TBC1D31: variants seen among roughly 807,000 people sequenced by gnomAD.
The protein encoded by TBC1D31 is WD repeat domain 67.
A neutral mutation model predicts 132.9 loss-of-function variants in TBC1D31; 99 were observed. That is an observed-to-expected ratio of 0.74 (90% CI 0.63 to 0.88). The LOEUF is 0.88. Ranked by LOEUF, TBC1D31 falls within the 40% of genes least tolerant of loss-of-function variation. TBC1D31 has a pLI of 0.00. For missense variants in TBC1D31, 1,134 were observed against 1,256.6 expected (o/e 0.90, Z 1.48); for synonymous variants, 385 against 419.4 (o/e 0.92, Z 1.00).
At chr8:123,119,776 A>G (rs1321056212) in intron 10 of TBC1D31, among the ~76,000 whole-genome samples, 1 of 152,242 alleles carries the variant, frequency 6.6e-6, no homozygotes, top group Non-Finnish European at 1.5e-5. Context: ...ATCCATCTGT[A>G]AAATGTAAGG....
At chr8:123,153,783 TTC>T (rs1279303265), downstream of TBC1D31, among the ~76,000 whole-genome samples, 3 of 152,250 alleles carry the variant, frequency 2.0e-5, no homozygotes, top group Non-Finnish European at 4.4e-5. Flanking sequence ...TTCAAAAAGT[TTC>T]TCTCCATTAC....
intron 4 of TBC1D31, among the ~76,000 whole-genome samples, chr8:123,091,717 C>T (rs1254398984): frequency 6.6e-6 from 1 of 152,058 alleles, no homozygotes; most frequent in African/African-American, 2.4e-5. Context: ...AGATGACACA[C>T]AAAATTATAT....
At chr8:123,095,196 G>T (rs1008068436) in intron 5 of TBC1D31, among the ~76,000 whole-genome samples, 1 of 152,154 alleles carries the variant, frequency 6.6e-6, no homozygotes, top group Admixed American at 6.5e-5. Flanking sequence ...TTAAGGACAA[G>T]AAGACATTAT....
At chr8:123,096,261 C>G (rs1292650565) in intron 5 of TBC1D31, among the ~76,000 whole-genome samples, 1 of 152,142 alleles carries the variant, frequency 6.6e-6, no homozygotes, top group Non-Finnish European at 1.5e-5. Context: ...ACGCCTCCCT[C>G]GCTTCATCTC....
intron 21 of TBC1D31, 65 bp downstream of exon 21, chr8:123,150,193 G>A (rs1822640686): frequency 1.6e-6 from 2 of 1,287,510 alleles, no homozygotes; most frequent in African/African-American, 1.5e-5. Context: ...AAGCAAAATT[G>A]TGGCTTAAAT....
intron 20 of TBC1D31, among the ~76,000 whole-genome samples, chr8:123,148,615 G>C (rs1042926082): frequency 6.6e-6 from 1 of 152,160 alleles, no homozygotes; most frequent in Non-Finnish European, 1.5e-5. Context: ...CACCTGATTC[G>C]CGTCTTGTCT....
rs1814625942 is a variant in TBC1D31, at chr8:123,077,272, T to C, written c.224+15T>C. On this transcript the variant is annotated intron_variant, in intron 2 of 21. Coordinates refer to ENST00000287380, the MANE Select transcript of TBC1D31 (RefSeq NM_145647.4). ...CATGGAAACAGGTAAGCAGATACCA[T>C]TGATATCTACGTTCTTTAACAAGTT... 2 of 1,593,124 alleles carry C rather than the reference T, an allele frequency of 1.3e-6. No homozygotes were observed. The highest frequency in any genetic ancestry group is 8.5e-7 in the Non-Finnish European group (1 of 1,172,308).
intron 1 of TBC1D31, among the ~76,000 whole-genome samples, chr8:123,075,637 A>G (rs1055206512): frequency 6.6e-6 from 1 of 152,062 alleles, no homozygotes; most frequent in East Asian, 1.9e-4. Context: ...CAGGAGGTGG[A>G]GATTGCAGTG....
intron 8 of TBC1D31, 36 bp from the exon 9 acceptor site, chr8:123,109,281 T>G: frequency 1.4e-6 from 2 of 1,441,338 alleles, no homozygotes; most frequent in Non-Finnish European, 1.9e-6. Flanking sequence ...GTTTTAATGA[T>G]TGTGTCATTT....
intron 4 of TBC1D31, among the ~76,000 whole-genome samples, chr8:123,089,085 AT>A (rs35258902): frequency 9.9e-5 from 15 of 152,276 alleles, no homozygotes; most frequent in Middle Eastern, 3.4e-3. Context: ...AAAATTTGAA[AT>A]TTTTTGAGTG....
intron 20 of TBC1D31, among the ~76,000 whole-genome samples, chr8:123,145,338 A>G (rs143364828): frequency 1.9e-4 from 29 of 152,316 alleles, no homozygotes; most frequent in Admixed American, 7.8e-4. Flanking sequence ...AGGTGGGACT[A>G]TTACAGAAAC....
intron 17 of TBC1D31, among the ~76,000 whole-genome samples, chr8:123,140,032 T>C (rs1325642643): frequency 1.3e-5 from 2 of 152,170 alleles, no homozygotes; most frequent in African/African-American, 4.8e-5. Flanking sequence ...TTTGCTTGGC[T>C]TCCTTCCTTG....
At chr8:123,130,595 G>A (rs1382006463) in intron 16 of TBC1D31, among the ~76,000 whole-genome samples, 1 of 151,286 alleles carries the variant, frequency 6.6e-6, no homozygotes, top group Non-Finnish European at 1.5e-5. Context: ...GTATCAGTTA[G>A]CCATTAAGTT....
At position 123,084,288 on chromosome 8, in the gene TBC1D31, C is replaced by A; in HGVS notation, c.467C>A (p.Thr156Asn). Reference sequence around the variant, plus strand: ...ACAGCACAATTATGGGACTTGGATACCTTTCAGAGAAAAAGAAAGCTGAAT... The same window carrying A: ...ACAGCACAATTATGGGACTTGGATAACTTTCAGAGAAAAAGAAAGCTGAAT... ...SDTAQLWDLD[T>N]FQRKRKLNIR... is the part of the protein sequence containing the mutation. Residue 156 changes from threonine (T) to asparagine (N), a missense_variant, in exon 4 of 22, where the codon ACC becomes AAC. By Grantham distance (65) the Thr-to-Asn change is moderately conservative. Coordinates refer to ENST00000287380, the MANE Select transcript of TBC1D31 (RefSeq NM_145647.4). 6.2e-7 allele frequency: 1 copy of A among 1,614,098 alleles called. No individual in the cohort carries two copies. Among genetic ancestry groups the A allele is most frequent in the Non-Finnish European group, 8.5e-7 (1 of 1,180,010 alleles).
the TBC1D31 span, among the ~76,000 whole-genome samples, chr8:123,157,337 G>T: frequency 6.6e-6 from 1 of 152,108 alleles, no homozygotes; most frequent in African/African-American, 2.4e-5. Flanking sequence ...TCATTCTGAG[G>T]CTATACAGCT....
rs73337852 is a variant in TBC1D31 at position 123,081,452 on chromosome 8, A to G, written c.225-1250A>G. On this transcript the variant is annotated intron_variant, in intron 2 of 21. Transcript: ENST00000287380. ...CTTGAAAAGTGATTGGTCCAAATTG[A>G]GATATGAAGCACATGTAAAATTAAA... Among the ~76,000 whole-genome samples, 667 of 152,300 alleles carry G rather than the reference A, an allele frequency of 4.4e-3. 5 individuals carry two copies. Among genetic ancestry groups the G allele is most frequent in the African/African-American group, 0.014 (580 of 41,558 alleles).
chr8:123,096,187 T>A (rs978585216), intron 5 of TBC1D31, among the ~76,000 whole-genome samples: 1 of 152,172 alleles, frequency 6.6e-6, no homozygotes, highest in Non-Finnish European at 1.5e-5. Flanking sequence ...ACCTCCTTCA[T>A]CACTTAGAGT....
At chr8:123,134,470 T>C (rs1190243628) in intron 17 of TBC1D31, among the ~76,000 whole-genome samples, 1 of 151,818 alleles carries the variant, frequency 6.6e-6, no homozygotes, top group African/African-American at 2.4e-5. Context: ...GAGGCTGCAG[T>C]GAACCATAAT....
chr8:123,097,217 C>T, intron 5 of TBC1D31, 65 bp from the exon 6 acceptor site: 1 of 1,560,112 alleles, frequency 6.4e-7, no homozygotes. Context: ...ATAGAAAGTT[C>T]TGTCGGACAG....
Sources: allele counts gnomAD v4.1 joint callset (sites outside exome capture counted in the v4.1 genomes callset), GRCh38; gene constraint gnomAD v4.1.1; transcripts MANE v1.5; gene names NCBI Gene and HGNC (gene_info 2026-07-23, HGNC 2026-07-21).